The following DRC11 variants were observed in gnomAD, a reference collection of about 807,000 sequenced individuals.
The protein encoded by DRC11 is dynein regulatory complex subunit 11, also known as IQ and AAA domain-containing protein 1.
the DRC11 span, among the ~76,000 whole-genome samples, chr2:236,357,080 T>G: frequency 2.4e-5 from 3 of 122,530 alleles, no homozygotes; most frequent in Non-Finnish European, 4.9e-5. Context: ...ATATTATATA[T>G]CTATATATTT....
chr2:236,479,827 T>C, the DRC11 span, among the ~76,000 whole-genome samples: 1 of 152,204 alleles, frequency 6.6e-6, no homozygotes, highest in African/African-American at 2.4e-5. This position sits in a 1 kb window ranked among gnomAD's most constrained non-coding sequence, Gnocchi z 4.1. Flanking sequence ...TATCAGTGGC[T>C]TTTAGATCTT....
chr2:236,409,685 C>T, the DRC11 span, among the ~76,000 whole-genome samples: 1 of 151,954 alleles, frequency 6.6e-6, no homozygotes, highest in Admixed American at 6.6e-5. Context: ...CTGTCTTGTG[C>T]CCGTTTTCAA....
the DRC11 span, among the ~76,000 whole-genome samples, chr2:236,464,239 A>T: frequency 1.5e-4 from 23 of 152,340 alleles, no homozygotes; most frequent in African/African-American, 5.5e-4. Flanking sequence ...ATATCTTTTA[A>T]TAGAATCTTT....
the DRC11 span, among the ~76,000 whole-genome samples, chr2:236,349,401 AT>A: frequency 1.5e-4 from 23 of 152,222 alleles, no homozygotes; most frequent in Non-Finnish European, 2.5e-4. The surrounding 1 kb of genome is among the most constrained non-coding windows in gnomAD (Gnocchi z 5.5). Context: ...GCAAGATCTT[AT>A]TTTTTTTCAG....
the DRC11 span, among the ~76,000 whole-genome samples, chr2:236,441,548 T>G: frequency 6.6e-6 from 1 of 152,164 alleles, no homozygotes; most frequent in Non-Finnish European, 1.5e-5. Context: ...CACCCATGCT[T>G]TAGGTTTTAG....
chr2:236,318,956 T>G, the DRC11 span, among the ~76,000 whole-genome samples: 9 of 152,178 alleles, frequency 5.9e-5, 1 homozygote. The surrounding 1 kb of genome is among the most constrained non-coding windows in gnomAD (Gnocchi z 7.0). Context: ...CCAGGGTTAT[T>G]CAAGAGGTGG....
chr2:236,416,744 TATATATA>T, the DRC11 span, among the ~76,000 whole-genome samples: 1 of 57,566 alleles, frequency 1.7e-5, no homozygotes, highest in Non-Finnish European at 3.6e-5. Flanking sequence ...TATATATATA[TATATATA>T]TATATATATA....
chr2:236,334,799 A>G, the DRC11 span, among the ~76,000 whole-genome samples: 10 of 152,114 alleles, frequency 6.6e-5, no homozygotes, highest in South Asian at 8.3e-4. This position sits in a 1 kb window ranked among gnomAD's most constrained non-coding sequence, Gnocchi z 7.8. Flanking sequence ...GTCTGAAGAC[A>G]GACCCTGGAC....
At chr2:236,433,097 T>A in the DRC11 span, among the ~76,000 whole-genome samples, 1 of 152,180 alleles carries the variant, frequency 6.6e-6, no homozygotes, top group African/African-American at 2.4e-5. Flanking sequence ...GATTTTCTGT[T>A]CTTTTCCATT....
the DRC11 span, chr2:236,497,401 C>T: frequency 1.2e-6 from 2 of 1,613,710 alleles, no homozygotes; most frequent in South Asian, 1.1e-5. This position sits in a 1 kb window ranked among gnomAD's most constrained non-coding sequence, Gnocchi z 5.1. Flanking sequence ...AACCTGATTT[C>T]TTTGTGGTTC....
chr2:236,471,336 G>A, the DRC11 span, among the ~76,000 whole-genome samples: 2 of 152,088 alleles, frequency 1.3e-5, no homozygotes, highest in African/African-American at 4.8e-5. This position sits in a 1 kb window ranked among gnomAD's most constrained non-coding sequence, Gnocchi z 4.6. Context: ...TATAAAAAAT[G>A]TGCATTTGTA....
chr2:236,462,914 G>A, the DRC11 span, among the ~76,000 whole-genome samples: 2 of 152,056 alleles, frequency 1.3e-5, no homozygotes, highest in Non-Finnish European at 2.9e-5. The surrounding 1 kb of genome is among the most constrained non-coding windows in gnomAD (Gnocchi z 6.4). Flanking sequence ...CCTATAATTG[G>A]CAAATGCAAG....
chr2:236,485,607 T>C, the DRC11 span, among the ~76,000 whole-genome samples: 1 of 152,212 alleles, frequency 6.6e-6, no homozygotes, highest in African/African-American at 2.4e-5. Flanking sequence ...TCCCCTTCTC[T>C]GGTCATAATG....
the DRC11 span, among the ~76,000 whole-genome samples, chr2:236,379,314 G>A: frequency 2.8e-5 from 4 of 142,606 alleles, no homozygotes; most frequent in Non-Finnish European, 6.3e-5. Context: ...ACAGGGGAGC[G>A]ACAGGACCAA....
the DRC11 span, among the ~76,000 whole-genome samples, chr2:236,341,958 CG>C: frequency 6.6e-6 from 1 of 152,188 alleles, no homozygotes. Context: ...CCACCGCCAC[CG>C]GGGTCCTCCT....
the DRC11 span, among the ~76,000 whole-genome samples, chr2:236,358,414 T>C: frequency 4.3e-5 from 6 of 139,614 alleles, no homozygotes; most frequent in African/African-American, 7.8e-5. Context: ...TAAATATATA[T>C]GATATATGAA....
At chr2:236,359,203 A>G in the DRC11 span, among the ~76,000 whole-genome samples, 9 of 151,912 alleles carry the variant, frequency 5.9e-5, no homozygotes, top group African/African-American at 2.2e-4. This position sits in a 1 kb window ranked among gnomAD's most constrained non-coding sequence, Gnocchi z 4.3. Context: ...AGTAGACTAT[A>G]TATAGTAGAC....
chr2:236,338,217 C>G, the DRC11 span: 110 of 1,613,500 alleles, frequency 6.8e-5, no homozygotes, highest in Non-Finnish European at 1.9e-5. Context: ...TATCTGGAAG[C>G]ATAGTCTGGT....
chr2:236,358,050 G>GAT, the DRC11 span, among the ~76,000 whole-genome samples: 5 of 113,672 alleles, frequency 4.4e-5, no homozygotes, highest in Non-Finnish European at 1.6e-5. Context: ...ATAATATATA[G>GAT]ATATATATTA....
Sources: allele counts gnomAD v4.1 joint callset (sites outside exome capture counted in the v4.1 genomes callset), GRCh38; gene constraint gnomAD v4.1.1; non-coding constraint Gnocchi (gnomAD v3.1); transcripts MANE v1.5; gene names NCBI Gene and HGNC (gene_info 2026-07-23, HGNC 2026-07-21).